The following LRRK1 variants were observed in gnomAD, a reference collection of about 807,000 sequenced individuals.
LRRK1 encodes the protein leucine rich repeat kinase 1.
LRRK1 carries 113 observed loss-of-function variants against 209.1 expected under a neutral mutation model. The observed-to-expected ratio is 0.54, with a 90% CI of 0.46 to 0.63. The LOEUF (loss-of-function observed/expected upper bound fraction) is 0.63, where lower values mean the gene tolerates loss of function less well. LRRK1 is among the 30% of genes least tolerant of loss of function. The pLI is 0.00. For synonymous variants in LRRK1, 1,144 were observed against 1,099.7 expected (o/e 1.04, Z -0.80); for missense variants, 2,284 against 2,632.2 (o/e 0.87, Z 2.89).
intron 23 of LRRK1, 125 bp from the exon 24 acceptor site, chr15:101,051,586 G>A (rs2035440810): frequency 1.6e-6 from 2 of 1,259,802 alleles, no homozygotes; most frequent in Non-Finnish European, 2.2e-6. Context: ...TGTCTCTTGG[G>A]TACAGGCCAG....
rs188870319 is a variant in LRRK1, at chr15:100,948,540, G to A, written c.97+23811G>A. ...CGTTGCAAATTTTTTTTTCTAAGTC[G>A]CCATTTGTCTTTTTACCTTGTTTCT... On this transcript the variant is annotated intron_variant, in intron 2 of 33. Coordinates refer to ENST00000388948, the MANE Select transcript of LRRK1 (RefSeq NM_024652.6). 2.5e-4 allele frequency among the ~76,000 whole-genome samples: 38 copies of A among 151,914 alleles called. No individual in the cohort carries two copies. The East Asian group carries it at 2.7e-3, about 11-fold the overall frequency.
At chr15:101,054,289 C>T (rs1026961000) in intron 26 of LRRK1, among the ~76,000 whole-genome samples, 6 of 152,378 alleles carry the variant, frequency 3.9e-5, no homozygotes, top group African/African-American at 1.4e-4. Flanking sequence ...AATGCTTCTA[C>T]TTGCCTCTCA....
chr15:101,000,417 C>G (rs548369279), intron 6 of LRRK1, among the ~76,000 whole-genome samples: 1 of 152,364 alleles, frequency 6.6e-6, no homozygotes, highest in East Asian at 1.9e-4. Flanking sequence ...AACCTCCCCT[C>G]TCTTCCCTTG....
intron 3 of LRRK1, among the ~76,000 whole-genome samples, chr15:100,975,415 C>G (rs1393514112): frequency 6.6e-6 from 1 of 152,198 alleles, no homozygotes; most frequent in Non-Finnish European, 1.5e-5. Context: ...GCAGTGGCAT[C>G]ATAATTTGGC....
intron 21 of LRRK1, 109 bp from the exon 22 acceptor site, chr15:101,048,385 G>C (rs1596320681): frequency 1.1e-6 from 1 of 939,842 alleles, no homozygotes; most frequent in South Asian, 1.7e-5. Context: ...GGGTGGGAAA[G>C]ATGGGGGACA....
chr15:100,965,098 T>A (rs1043987625), intron 2 of LRRK1, among the ~76,000 whole-genome samples: 2 of 152,224 alleles, frequency 1.3e-5, no homozygotes, highest in African/African-American at 4.8e-5. Context: ...AGAGACACGG[T>A]TGTCACAGCC....
rs71456883 is a variant in LRRK1, at chr15:101,043,610, A to ATG, written c.2964-2353_2964-2352dup. The ATG allele has an allele frequency of 7.4e-4, 111 of 150,708 alleles. 1 individual carries two copies. The highest frequency in any genetic ancestry group is 6.1e-3 in the South Asian group (29 of 4,774). The allele number at this position is 150,708 out of a possible 1,614,324, so 9.3% of individuals were successfully genotyped here. On this transcript the variant is annotated intron_variant, in intron 20 of 33. Coordinates refer to ENST00000388948, the MANE Select transcript of LRRK1 (RefSeq NM_024652.6). ...TGTATAAAACGTACACGTATTTATAATGTGTGTGTGTGTGTGTGTTGGCCT... is the reference window on the plus strand; with the variant it reads ...TGTATAAAACGTACACGTATTTATAATGTGTGTGTGTGTGTGTGTGTTGGCCT...
At chr15:101,037,650 T>C (rs1490804997) in intron 20 of LRRK1, among the ~76,000 whole-genome samples, 3 of 152,130 alleles carry the variant, frequency 2.0e-5, no homozygotes, top group African/African-American at 7.2e-5. Flanking sequence ...GGGGAACATA[T>C]GCCACTCACA....
intron 2 of LRRK1, among the ~76,000 whole-genome samples, chr15:100,958,058 G>A (rs2042801112): frequency 6.6e-6 from 1 of 152,152 alleles, no homozygotes. Flanking sequence ...GTTTCACCAT[G>A]TTGGCCAGGC....
intron 6 of LRRK1, among the ~76,000 whole-genome samples, chr15:100,989,892 A>C (rs2032065243): frequency 6.6e-6 from 1 of 151,970 alleles, no homozygotes; most frequent in Admixed American, 6.6e-5. Context: ...TTTTTCAAAA[A>C]TTGGTTAAAT....
Position 101,055,119 on chromosome 15 carries a change from T to G in LRRK1, c.4228T>G (p.Tyr1410Asp). The G allele has an allele frequency of 6.2e-7, 1 of 1,613,904 alleles. No individual in the cohort carries two copies. Among genetic ancestry groups the G allele is most frequent in the Non-Finnish European group, 8.5e-7 (1 of 1,179,922 alleles). ...GCACATCAACATCAAGCTATCTGAC[T>G]ACGGGATTTCGAGGCAGTCATTCCA... ...KEHINIKLSD[Y>D]GISRQSFHEG... The change falls in exon 27 of 34, where the codon TAC becomes GAC. Residue 1410 changes from tyrosine (Y) to aspartate (D), a missense_variant. Transcript: ENST00000388948.
chr15:100,924,614 T>C lies in LRRK1; in HGVS notation c.-19T>C, dbSNP rs752619889. 1 of 1,613,056 alleles carries C rather than the reference T, an allele frequency of 6.2e-7. No homozygotes were observed. Among genetic ancestry groups the C allele is most frequent in the Non-Finnish European group, 8.5e-7 (1 of 1,179,258 alleles). On this transcript the variant is annotated 5_prime_UTR_variant, in exon 2 of 34. Transcript: ENST00000388948. The stretch of plus-strand genomic sequence containing the variant: ...CAACAGCGGGACCTGCCTTTGAAGA[T>C]CGGCTGCTGCAAGGGTTGATGGCTG...
At chr15:100,973,514 T>TC (rs989451245) in intron 2 of LRRK1, among the ~76,000 whole-genome samples, 1 of 151,782 alleles carries the variant, frequency 6.6e-6, no homozygotes, top group Non-Finnish European at 1.5e-5. Flanking sequence ...GCCCGGCCGC[T>TC]CCCCCGCGGG....
intron 23 of LRRK1, among the ~76,000 whole-genome samples, chr15:101,050,271 T>TAACA (rs1404223364): frequency 1.3e-5 from 2 of 152,202 alleles, no homozygotes; most frequent in African/African-American, 4.8e-5. Context: ...ATCAAACCAC[T>TAACA]AACACCGCCC....
At chr15:101,049,479 G>A (rs1473027484) in intron 22 of LRRK1, 165 bp from the exon 23 acceptor site, 2 of 691,108 alleles carry the variant, frequency 2.9e-6, no homozygotes, top group East Asian at 2.9e-5. Context: ...AACAAGGCAG[G>A]GCCACGCACA....
chr15:100,977,281 A>ACC, intron 3 of LRRK1, among the ~76,000 whole-genome samples: 1 of 152,142 alleles, frequency 6.6e-6, no homozygotes, highest in South Asian at 2.1e-4. Flanking sequence ...ACAGGCAGTC[A>ACC]ACAACCCTCT....
At position 101,065,498 on chromosome 15, in the gene LRRK1, G is replaced by A. The variant is rs773103731; in HGVS notation, c.5061G>A (p.Arg1687=). The change falls in exon 32 of 34, where the codon CGG becomes CGA. Residue 1687 remains arginine (R), a synonymous_variant. Transcript: ENST00000388948. The part of the protein sequence containing the change: ...SKFSIADEDA[R]QNPYPVKAME... ...TCAGCATCGCGGATGAAGACGCACGGCAGAACCCCTACCCAGTGAAGGCCA... is the reference window on the plus strand; with the variant it reads ...TCAGCATCGCGGATGAAGACGCACGACAGAACCCCTACCCAGTGAAGGCCA... 2.6e-5 allele frequency: 42 copies of A among 1,614,222 alleles called. No homozygotes were observed. Among genetic ancestry groups the A allele is most frequent in the Non-Finnish European group, 3.5e-5 (41 of 1,180,040 alleles).
intron 26 of LRRK1, among the ~76,000 whole-genome samples, chr15:101,054,187 T>G (rs1392116271): frequency 6.6e-6 from 1 of 152,126 alleles, no homozygotes; most frequent in Non-Finnish European, 1.5e-5. Flanking sequence ...GTTGCCCAGG[T>G]CGTTCTCGAA....
chr15:101,053,209 G>A lies in LRRK1; in HGVS notation c.3857-14G>A, dbSNP rs201161762. ...CCCATGTCCTACTGGCTGACACTGCGCTGTCCCTGGCAGACACCATGCTGA... is the reference window on the plus strand; with the variant it reads ...CCCATGTCCTACTGGCTGACACTGCACTGTCCCTGGCAGACACCATGCTGA... On this transcript the variant is annotated splice_polypyrimidine_tract_variant and intron_variant, in intron 25 of 33. Coordinates refer to ENST00000388948, the MANE Select transcript of LRRK1 (RefSeq NM_024652.6). 5.7e-5 allele frequency: 91 copies of A among 1,603,180 alleles called. No homozygotes were observed. The highest frequency in any genetic ancestry group is 6.4e-5 in the Non-Finnish European group (75 of 1,179,118).
Sources: gnomAD v4.1 joint callset for allele counts (sites outside exome capture counted in the v4.1 genomes callset) on GRCh38, gnomAD v4.1.1 for gene constraint, MANE v1.5 for transcripts, NCBI Gene and HGNC (gene_info 2026-07-23, HGNC 2026-07-21) for gene names.